Variants in SH3RF3 observed in about 807,000 individuals in gnomAD.
The protein encoded by SH3RF3 is E3 ubiquitin-protein ligase SH3RF3.
A neutral mutation model predicts 66.3 loss-of-function variants in SH3RF3; 29 were observed. That is an observed-to-expected ratio of 0.44 (90% CI 0.33 to 0.60). SH3RF3 has a LOEUF of 0.60. SH3RF3 is among the 20% of genes least tolerant of loss of function. The pLI is 0.04. For missense variants in SH3RF3, 1,194 were observed against 1,190.9 expected, an observed-to-expected ratio of 1.00 and a Z score of -0.04; for synonymous variants, 583 against 532.0, an observed-to-expected ratio of 1.10 and a Z score of -1.32.
chr2:109,177,706 C>G (rs1464423762), intron 1 of SH3RF3, among the ~76,000 whole-genome samples: 1 of 152,208 alleles, frequency 6.6e-6, no homozygotes, highest in African/African-American at 2.4e-5. Context: ...CTCTGAATAA[C>G]TTAGGACAGG....
At chr2:109,346,946 G>C (rs1225452246) in intron 1 of SH3RF3, among the ~76,000 whole-genome samples, 1 of 152,154 alleles carries the variant, frequency 6.6e-6, no homozygotes, top group Non-Finnish European at 1.5e-5. Context: ...GTGATGGCCG[G>C]GGACTGCTTG....
intron 1 of SH3RF3, among the ~76,000 whole-genome samples, chr2:109,199,364 GGAAT>G: frequency 1.6e-4 from 1 of 6,306 alleles, no homozygotes; most frequent in African/African-American, 6.5e-4. Flanking sequence ...GGAATGGAAT[GGAAT>G]GGAATGGAAT....
chr2:109,184,136 G>A (rs369169230), intron 1 of SH3RF3, among the ~76,000 whole-genome samples: 2 of 152,196 alleles, frequency 1.3e-5, no homozygotes, highest in Non-Finnish European at 1.5e-5. Context: ...TGTGCTTCAA[G>A]GCACTGCCCC....
At chr2:109,249,770 C>T (rs1574529018) in intron 1 of SH3RF3, among the ~76,000 whole-genome samples, 1 of 151,982 alleles carries the variant, frequency 6.6e-6, no homozygotes, top group East Asian at 1.9e-4. Flanking sequence ...CATTCTCCTG[C>T]CTCAGCCTCC....
chr2:109,146,885 T>C (rs1437172226), intron 1 of SH3RF3, among the ~76,000 whole-genome samples: 158 of 14,372 alleles, frequency 0.011, no homozygotes, highest in East Asian at 0.098. Flanking sequence ...CTTTTTTCCC[T>C]CCCCCCCCCC....
At chr2:109,302,839 T>C (rs534282021) in intron 1 of SH3RF3, among the ~76,000 whole-genome samples, 22 of 152,310 alleles carry the variant, frequency 1.4e-4, no homozygotes, top group Non-Finnish European at 1.3e-4. Flanking sequence ...TCTCTACATC[T>C]GAACATGAGA....
rs5833316 is a variant in SH3RF3 at position 109,142,043 on chromosome 2, TG to T, written c.573+11940del. ...CCTCTTCTGGGGTCCTTGAGTCTCC[TG>T]GGGGGGGGGTCTCAGGTATGTGCCT... On this transcript the variant is annotated intron_variant, in intron 1 of 9. Coordinates refer to ENST00000309415, the MANE Select transcript of SH3RF3 (RefSeq NM_001099289.3). 5.3e-3 allele frequency among the ~76,000 whole-genome samples: 771 copies of T among 145,616 alleles called. 5 individuals are homozygous for T. The highest frequency in any genetic ancestry group is 0.015 in the African/African-American group (600 of 39,682).
chr2:109,398,453 T>C (rs1676211435), intron 3 of SH3RF3, 137 bp from the exon 4 acceptor site: 3 of 809,492 alleles, frequency 3.7e-6, no homozygotes, highest in Non-Finnish European at 5.7e-6. Flanking sequence ...CAGCCTCTTC[T>C]GTGTTTTCCC....
chr2:109,289,391 A>G (rs1681111868), intron 1 of SH3RF3, among the ~76,000 whole-genome samples: 1 of 152,028 alleles, frequency 6.6e-6, no homozygotes, highest in Non-Finnish European at 1.5e-5. Context: ...GTTTTAGGGT[A>G]CTCTTCTGCA....
rs566827661 is a variant in SH3RF3, at chr2:109,309,459, C to G, written c.574-38215C>G. Among the ~76,000 whole-genome samples, 3 of 129,784 alleles carry G rather than the reference C, an allele frequency of 2.3e-5. No individual in the cohort carries two copies. In the East Asian group the frequency reaches 6.2e-4, roughly 27 times the overall value. 85.1% of individuals were successfully genotyped at this position (129,784 alleles called of 152,430 possible). A position where few individuals can be genotyped will look rare whatever the true frequency, so the allele number is the denominator to read the frequency against. ...CTGCATCAACTAACGAGCAAAATCA[C>G]TAGCTAACATCATAATGACAGGATC... On this transcript the variant is annotated intron_variant, in intron 1 of 9. Coordinates refer to ENST00000309415, the MANE Select transcript of SH3RF3 (RefSeq NM_001099289.3).
At chr2:109,272,308 T>A (rs1680645992) in intron 1 of SH3RF3, among the ~76,000 whole-genome samples, 1 of 152,148 alleles carries the variant, frequency 6.6e-6, no homozygotes, top group African/African-American at 2.4e-5. Context: ...TGGCTACACA[T>A]CCCCTGAGGG....
At chr2:109,245,137 C>T (rs748006372) in intron 1 of SH3RF3, among the ~76,000 whole-genome samples, 13 of 152,186 alleles carry the variant, frequency 8.5e-5, no homozygotes, top group South Asian at 2.1e-4. Context: ...CACCATCTCA[C>T]GGGAAGCTCC....
chr2:109,420,507 G>C (rs1463115256), intron 5 of SH3RF3, among the ~76,000 whole-genome samples: 1 of 152,060 alleles, frequency 6.6e-6, no homozygotes, highest in African/African-American at 2.4e-5. Flanking sequence ...GTGCAATGGC[G>C]CGATCCCGGC....
At chr2:109,223,927 G>A (rs1383767876) in intron 1 of SH3RF3, among the ~76,000 whole-genome samples, 1 of 152,214 alleles carries the variant, frequency 6.6e-6, no homozygotes, top group African/African-American at 2.4e-5. Context: ...ACTTGAGCCT[G>A]GGGGGTGTGG....
At chr2:109,189,406 T>C (rs1423276121) in intron 1 of SH3RF3, among the ~76,000 whole-genome samples, 1 of 151,462 alleles carries the variant, frequency 6.6e-6, no homozygotes. Context: ...GGAGTCTCTG[T>C]CGCCCAGGCT....
At chr2:109,442,406 C>G (rs1677594615) in intron 7 of SH3RF3, among the ~76,000 whole-genome samples, 2 of 151,534 alleles carry the variant, frequency 1.3e-5, no homozygotes. Context: ...AAATGAAGAT[C>G]TATACAAAGG....
At chr2:109,208,278 A>G (rs1019736767) in intron 1 of SH3RF3, among the ~76,000 whole-genome samples, 2 of 152,040 alleles carry the variant, frequency 1.3e-5, no homozygotes, top group Middle Eastern at 3.4e-3. Flanking sequence ...ATCCACAGAC[A>G]CTCCTGCCAC....
chr2:109,344,071 C>G (rs1401850830), intron 1 of SH3RF3, among the ~76,000 whole-genome samples: 1 of 152,142 alleles, frequency 6.6e-6, no homozygotes, highest in East Asian at 1.9e-4. Flanking sequence ...AACTTTCCCC[C>G]CTGTATCCCC....
chr2:109,439,255 G>A (rs1677496332), intron 7 of SH3RF3, among the ~76,000 whole-genome samples: 1 of 152,172 alleles, frequency 6.6e-6, no homozygotes, highest in Non-Finnish European at 1.5e-5. Flanking sequence ...TACACACGGG[G>A]AGAGTGAGGC....
Sources: gnomAD v4.1 joint callset for allele counts (sites outside exome capture counted in the v4.1 genomes callset) on GRCh38, gnomAD v4.1.1 for gene constraint, MANE v1.5 for transcripts, NCBI Gene and HGNC (gene_info 2026-07-23, HGNC 2026-07-21) for gene names.